The following CACNA1C variants were observed in gnomAD, a reference collection of about 807,000 sequenced individuals.
CACNA1C encodes calcium voltage-gated channel subunit alpha1 C.
In CACNA1C, 30 loss-of-function variants were observed where a neutral mutation model predicts 229.0. That is an observed-to-expected ratio of 0.13 (90% confidence interval 0.10 to 0.18). The LOEUF (loss-of-function observed/expected upper bound fraction) is 0.18, where lower values mean the gene tolerates loss of function less well. Among genes scored for constraint, CACNA1C ranks in the 10% least tolerant of loss-of-function variants. CACNA1C has a pLI of 1.00. For missense variants in CACNA1C, 1,658 were observed against 2,845.0 expected, an observed-to-expected ratio of 0.58 and a Z score of 9.49; for synonymous variants, 1,114 against 1,132.5, an observed-to-expected ratio of 0.98 and a Z score of 0.33.
At chr12:2,098,413 A>C (rs1330328954) in intron 1 of CACNA1C, among the ~76,000 whole-genome samples, 1 of 152,260 alleles carries the variant, frequency 6.6e-6, no homozygotes, top group Non-Finnish European at 1.5e-5. Context: ...AGTGAGAATT[A>C]GAGACTTCCA....
chr12:2,372,789 C>T (rs2097906613), intron 3 of CACNA1C, among the ~76,000 whole-genome samples: 1 of 152,250 alleles, frequency 6.6e-6, no homozygotes. Flanking sequence ...TCCATCTGGC[C>T]TGGCTGGCTG....
intron 3 of CACNA1C, among the ~76,000 whole-genome samples, chr12:2,259,567 A>T (rs2154400424): frequency 6.6e-6 from 1 of 152,328 alleles, no homozygotes; most frequent in East Asian, 1.9e-4. Context: ...GTGTCTTTTG[A>T]CAGGAGGAAG....
intron 3 of CACNA1C, among the ~76,000 whole-genome samples, chr12:2,297,497 G>T (rs1278415151): frequency 1.3e-5 from 2 of 152,226 alleles, no homozygotes; most frequent in East Asian, 3.8e-4. Context: ...CATGGGCAGT[G>T]GCCCTTGCTT....
chr12:2,475,025 C>T (rs188155835), intron 5 of CACNA1C, among the ~76,000 whole-genome samples: 42 of 152,162 alleles, frequency 2.8e-4, no homozygotes, highest in African/African-American at 9.4e-4. Flanking sequence ...TTTGGCTGGG[C>T]GCGGTGGCTC....
rs773081030 is a variant in CACNA1C, at chr12:2,678,214, T to C, written c.5091+347T>C. 3.9e-5 allele frequency among the ~76,000 whole-genome samples: 6 copies of C among 152,132 alleles called. No homozygotes were observed. The highest frequency in any genetic ancestry group is 8.8e-5 in the Non-Finnish European group (6 of 68,018). On this transcript the variant is annotated intron_variant, in intron 41 of 46. Coordinates refer to ENST00000399655, the MANE Select transcript of CACNA1C (RefSeq NM_000719.7). This position sits in a 1 kb window ranked among gnomAD's most constrained non-coding sequence, Gnocchi z 4.1. ...CATCTAATCTGCAGGCTTGTTTTGT[T>C]TGTTAATATTTGAAAATCAAGACTT...
intron 3 of CACNA1C, among the ~76,000 whole-genome samples, chr12:2,392,689 G>A (rs372966355): frequency 5.9e-5 from 9 of 152,142 alleles, no homozygotes; most frequent in Admixed American, 2.6e-4. Context: ...TGCATACAGC[G>A]GGACCTGAAC....
intron 1 of CACNA1C, among the ~76,000 whole-genome samples, chr12:2,035,074 C>G (rs2048873573): frequency 6.6e-6 from 1 of 152,214 alleles, no homozygotes; most frequent in Non-Finnish European, 1.5e-5. Context: ...GTGCCGGCGC[C>G]CCCTGCTGGT....
In CACNA1C at chr12:2,287,865, T is replaced by G. The variant is rs2092938233; in HGVS notation, c.478-161111T>G. On this transcript the variant is annotated intron_variant, in intron 3 of 46. Coordinates refer to ENST00000399655, the MANE Select transcript of CACNA1C (RefSeq NM_000719.7). The surrounding 1 kb of genome is among the most constrained non-coding windows in gnomAD (Gnocchi z 4.6). The stretch of plus-strand genomic sequence containing the variant: ...GACCACACTTTGGAAATCACGATTA[T>G]GAACAGGAATCAGAATTTCTGAAGA... 1.3e-5 allele frequency among the ~76,000 whole-genome samples: 2 copies of G among 152,196 alleles called. No homozygotes were observed. Among genetic ancestry groups the G allele is most frequent in the African/African-American group, 4.8e-5 (2 of 41,442 alleles).
chr12:2,529,019 A>G (rs1482874178), intron 9 of CACNA1C, among the ~76,000 whole-genome samples: 4 of 152,206 alleles, frequency 2.6e-5, no homozygotes, highest in African/African-American at 9.7e-5. Context: ...AGCAACCATT[A>G]TCATGGTGAC....
At chr12:2,235,922 T>C (rs2067180994) in intron 3 of CACNA1C, among the ~76,000 whole-genome samples, 1 of 152,218 alleles carries the variant, frequency 6.6e-6, no homozygotes, top group African/African-American at 2.4e-5. Context: ...CATAAATGAA[T>C]TCATTTGACG....
intron 28 of CACNA1C, among the ~76,000 whole-genome samples, chr12:2,611,102 A>G (rs7296304): frequency 1.0e-4 from 13 of 130,058 alleles, no homozygotes; most frequent in African/African-American, 3.7e-4. Flanking sequence ...TGATCAATGG[A>G]GAGAGGGGAG....
At chr12:2,555,256 T>G (rs2043487152) in intron 10 of CACNA1C, among the ~76,000 whole-genome samples, 1 of 152,200 alleles carries the variant, frequency 6.6e-6, no homozygotes, top group African/African-American at 2.4e-5. Context: ...CACTTGCACT[T>G]GTGACCCGCT....
chr12:2,136,845 T>C (rs1448040165), intron 3 of CACNA1C, among the ~76,000 whole-genome samples: 1 of 151,500 alleles, frequency 6.6e-6, no homozygotes, highest in African/African-American at 2.4e-5. Context: ...GGCCTCTTCC[T>C]AAATAGATGA....
intron 9 of CACNA1C, among the ~76,000 whole-genome samples, chr12:2,516,781 A>C (rs570024830): frequency 3.3e-5 from 5 of 152,332 alleles, no homozygotes; most frequent in South Asian, 4.1e-4. Context: ...CCTATTAAAC[A>C]TCCAGGTGGA....
chr12:2,464,747 G>A (rs774915970), intron 5 of CACNA1C, among the ~76,000 whole-genome samples: 6 of 152,220 alleles, frequency 3.9e-5, no homozygotes, highest in Non-Finnish European at 8.8e-5. Context: ...GCTATTAAAC[G>A]GAAGTTTACT....
intron 1 of CACNA1C, among the ~76,000 whole-genome samples, chr12:2,059,351 G>A (rs2056532507): frequency 6.6e-6 from 1 of 152,162 alleles, no homozygotes; most frequent in South Asian, 2.1e-4. Context: ...AGTTGGGATT[G>A]TAGGGACTGT....
At chr12:2,163,604 G>A (rs764053136) in intron 3 of CACNA1C, among the ~76,000 whole-genome samples, 3 of 152,204 alleles carry the variant, frequency 2.0e-5, no homozygotes, top group Non-Finnish European at 4.4e-5. Flanking sequence ...AAGGTTCACA[G>A]AAAGAATGGG....
intron 3 of CACNA1C, among the ~76,000 whole-genome samples, chr12:2,266,749 G>C (rs1329306773): frequency 6.6e-6 from 1 of 152,250 alleles, no homozygotes; most frequent in Non-Finnish European, 1.5e-5. Flanking sequence ...AAAGCTGCAA[G>C]GGAGTCTACC....
chr12:2,071,324 C>G (rs7298013), intron 1 of CACNA1C, among the ~76,000 whole-genome samples: 1 of 150,494 alleles, frequency 6.6e-6, no homozygotes, highest in Non-Finnish European at 1.5e-5. Flanking sequence ...CTCAAGCAAT[C>G]CTTCCACCTC....
Sources: gnomAD v4.1 joint callset for allele counts (sites outside exome capture counted in the v4.1 genomes callset) on GRCh38, gnomAD v4.1.1 for gene constraint, Gnocchi (gnomAD v3.1) non-coding constraint, MANE v1.5 for transcripts, NCBI Gene and HGNC (gene_info 2026-07-23, HGNC 2026-07-21) for gene names.